ABAT: variants seen among roughly 807,000 people sequenced by gnomAD.
The protein encoded by ABAT is 4-aminobutyrate aminotransferase, mitochondrial.
ABAT carries 45 observed loss-of-function variants against 64.6 expected under a neutral mutation model. The observed-to-expected ratio is 0.70, with a 90% CI of 0.55 to 0.89. The LOEUF is 0.89. Ranked by LOEUF, ABAT falls within the 40% of genes least tolerant of loss-of-function variation. The pLI is 0.00. For synonymous variants in ABAT, 297 were observed against 250.5 expected (o/e 1.19, Z -1.75); for missense variants, 633 against 658.4 (o/e 0.96, Z 0.42).
chr16:8,754,662 ATTTATTTATTTCTTTC>A (rs1464221855), intron 5 of ABAT, among the ~76,000 whole-genome samples: 2,764 of 146,048 alleles, frequency 0.019, 84 homozygotes, highest in Admixed American at 0.035. Flanking sequence ...CAGCAAGTTG[ATTTATTTATTTCTTTC>A]TTTCTTTCTT....
At position 8,750,540 on chromosome 16, in the gene ABAT, G is replaced by GT. The variant is rs1338934784; in HGVS notation, c.316+2dup. On this transcript the variant is annotated splice_donor_variant, in intron 5 of 15. Transcript: ENST00000268251. LOFTEE classifies it high-confidence loss of function. ...TCCCAGATCTCCTCTGTCCCCATAG[G>GT]TAAGAGCTGGGAAATCATTCCTTGG... The GT allele has an allele frequency of 6.2e-7, 1 of 1,611,822 alleles. No individual in the cohort carries two copies. The highest frequency in any genetic ancestry group is 1.3e-5 in the African/African-American group (1 of 75,000).
intron 1 of ABAT, among the ~76,000 whole-genome samples, chr16:8,685,169 C>G (rs1027235100): frequency 6.6e-6 from 1 of 151,788 alleles, no homozygotes; most frequent in African/African-American, 2.4e-5. Context: ...GCCTATAGTG[C>G]CAACTACTCG....
At chr16:8,772,962 G>C (rs372246064) in intron 12 of ABAT, 45 bp downstream of exon 12, 291 of 1,611,716 alleles carry the variant, frequency 1.8e-4, no homozygotes, top group Non-Finnish European at 2.3e-4. Flanking sequence ...TGGGTTTTCT[G>C]GGTTGAGTTC....
At position 8,776,280 on chromosome 16, in the gene ABAT, G is replaced by A. The variant is rs576838926; in HGVS notation, c.1123-64G>A. The A allele has an allele frequency of 6.2e-7, 1 of 1,611,776 alleles. No individual in the cohort carries two copies. Among genetic ancestry groups the A allele is most frequent in the South Asian group, 1.1e-5 (1 of 90,998 alleles). The stretch of plus-strand genomic sequence containing the variant: ...TCAAGAGAGGAGGCGGGGCGCCTGG[G>A]GTAAGTGACTCCTGCAGGGTGTGCA... On this transcript the variant is annotated intron_variant, in intron 13 of 15. Coordinates refer to ENST00000268251, the MANE Select transcript of ABAT (RefSeq NM_020686.6). This position sits in a 1 kb window ranked among gnomAD's most constrained non-coding sequence, Gnocchi z 4.4.
rs1296266437 is a variant in ABAT, at chr16:8,768,673, A to G, written c.668-152A>G. 1.4e-5 allele frequency: 16 copies of G among 1,116,036 alleles called. 1 individual carries two copies. The South Asian group carries it at 1.6e-4, about 11-fold the overall frequency. The allele number at this position is 1,116,036 out of a possible 1,614,324, so 69.1% of individuals were successfully genotyped here. A position where few individuals can be genotyped will look rare whatever the true frequency, so the allele number is the denominator to read the frequency against. On this transcript the variant is annotated intron_variant, in intron 10 of 15. Transcript: ENST00000268251. ...TCCTATGCACCCAGAAAAATTAAAAATTAAACGATAAAAAGAACTGGGGTT... is the reference window on the plus strand; with the variant it reads ...TCCTATGCACCCAGAAAAATTAAAAGTTAAACGATAAAAAGAACTGGGGTT...
chr16:8,724,350 T>C (rs140713528), intron 1 of ABAT, among the ~76,000 whole-genome samples: 229 of 152,362 alleles, frequency 1.5e-3, no homozygotes, highest in South Asian at 8.7e-3. Flanking sequence ...AAAATCTTTT[T>C]GTTCGCTGCT....
In ABAT at chr16:8,776,860, C is replaced by T. The variant is rs945272336; in HGVS notation, c.1269+370C>T. 5.9e-5 allele frequency among the ~76,000 whole-genome samples: 9 copies of T among 151,948 alleles called. No individual in the cohort carries two copies. The highest frequency in any genetic ancestry group is 1.9e-4 in the East Asian group (1 of 5,196). On this transcript the variant is annotated intron_variant, in intron 14 of 15. Transcript: ENST00000268251. The surrounding 1 kb of genome is among the most constrained non-coding windows in gnomAD (Gnocchi z 4.4). ...TCCCAAAGTGCTGGGCAGCGCCTGC[C>T]GGCACTGGTTATCTTTCTTATTTAT...
At chr16:8,680,366 T>G (rs920623997) in intron 1 of ABAT, among the ~76,000 whole-genome samples, 2 of 152,232 alleles carry the variant, frequency 1.3e-5, no homozygotes, top group African/African-American at 4.8e-5. Flanking sequence ...GAAAAGTATT[T>G]TTTAAATTGG....
intron 5 of ABAT, among the ~76,000 whole-genome samples, chr16:8,754,148 CA>C (rs1567304942): frequency 7.1e-6 from 1 of 140,238 alleles, no homozygotes; most frequent in Non-Finnish European, 1.5e-5. Context: ...AGTTTGAGAC[CA>C]GCCTAGCCAA....
intron 1 of ABAT, among the ~76,000 whole-genome samples, chr16:8,721,883 G>T (rs570831569): frequency 6.6e-6 from 1 of 152,206 alleles, no homozygotes. Context: ...GGAGAGGTGG[G>T]TGGGACTGAA....
intron 1 of ABAT, among the ~76,000 whole-genome samples, chr16:8,677,583 T>C (rs2057233812): frequency 6.6e-6 from 1 of 152,156 alleles, no homozygotes; most frequent in South Asian, 2.1e-4. Flanking sequence ...CAGAGGATTC[T>C]TTGTTGTGGG....
At chr16:8,777,975 A>C (rs79901118) in intron 14 of ABAT, among the ~76,000 whole-genome samples, 2 of 152,122 alleles carry the variant, frequency 1.3e-5, no homozygotes, top group South Asian at 2.1e-4. Flanking sequence ...AATTGTGCAC[A>C]TAAGTGTCTA....
At chr16:8,728,489 C>T (rs1490777946) in intron 1 of ABAT, among the ~76,000 whole-genome samples, 2 of 152,168 alleles carry the variant, frequency 1.3e-5, no homozygotes, top group African/African-American at 4.8e-5. Flanking sequence ...ACATGAACTG[C>T]ACTTTCTACA....
At chr16:8,731,684 T>C (rs1002536621) in intron 1 of ABAT, 3 of 152,078 alleles carry the variant, frequency 2.0e-5, no homozygotes, top group African/African-American at 7.2e-5. Context: ...ACATAAAATT[T>C]ACCATCTTCA....
intron 1 of ABAT, among the ~76,000 whole-genome samples, chr16:8,700,662 CA>C (rs1195317164): frequency 6.6e-6 from 1 of 152,218 alleles, no homozygotes; most frequent in East Asian, 1.9e-4. Flanking sequence ...GTGGCTTGAT[CA>C]TAGCTCCCCT....
chr16:8,757,433 G>T lies in ABAT; in HGVS notation c.317-324G>T, dbSNP rs1383013914. 5 of 373,144 alleles carry T rather than the reference G, an allele frequency of 1.3e-5. No homozygotes were observed. In the East Asian group the frequency reaches 2.0e-4, roughly 15 times the overall value. The allele number at this position is 373,144 out of a possible 1,614,324, so 23.1% of individuals were successfully genotyped here. On this transcript the variant is annotated intron_variant, in intron 5 of 15. Coordinates refer to ENST00000268251, the MANE Select transcript of ABAT (RefSeq NM_020686.6). Reference sequence around the variant, plus strand: ...TCCACCCGCCTTGGCCTCCCGAAGTGCTGGGATTACAGGTGTGAGCCACCA... The same window carrying T: ...TCCACCCGCCTTGGCCTCCCGAAGTTCTGGGATTACAGGTGTGAGCCACCA...
intron 5 of ABAT, among the ~76,000 whole-genome samples, chr16:8,755,714 G>A (rs981279846): frequency 1.3e-4 from 20 of 151,580 alleles, no homozygotes; most frequent in African/African-American, 4.8e-5. Context: ...AGTTCAAGAC[G>A]AGCCTCGCCA....
intron 1 of ABAT, chr16:8,714,636 T>G (rs561753945): frequency 6.6e-6 from 1 of 152,486 alleles, no homozygotes; most frequent in Non-Finnish European, 1.5e-5. Flanking sequence ...GATCCTGCAG[T>G]TGGTGTGTGC....
intron 1 of ABAT, chr16:8,705,460 G>C (rs912401246): frequency 6.6e-6 from 1 of 152,120 alleles, no homozygotes; most frequent in Non-Finnish European, 1.5e-5. Context: ...CATATCAGGG[G>C]CTTTCCAGTC....
Sources: gnomAD v4.1 joint callset for allele counts (sites outside exome capture counted in the v4.1 genomes callset) on GRCh38, gnomAD v4.1.1 for gene constraint, Gnocchi (gnomAD v3.1) non-coding constraint, MANE v1.5 for transcripts, NCBI Gene and HGNC (gene_info 2026-07-23, HGNC 2026-07-21) for gene names.